Variants in RSU1 observed in about 807,000 individuals in gnomAD.
RSU1 encodes rsu-1.
In RSU1, 26 loss-of-function variants were observed where a neutral mutation model predicts 31.1. The ratio of observed to expected loss-of-function variants is 0.84; its 90% CI spans 0.61 to 1.16. The LOEUF (loss-of-function observed/expected upper bound fraction) is 1.16, where lower values mean the gene tolerates loss of function less well. RSU1 is among the 50% of genes most tolerant of loss of function. The probability of loss-of-function intolerance (pLI) is 0.00; values close to 1 mark genes in which losing one functional copy is unlikely to be tolerated. For missense variants in RSU1, 320 were observed against 339.1 expected, an observed-to-expected ratio of 0.94 and a Z score of 0.44; for synonymous variants, 164 against 136.3, an observed-to-expected ratio of 1.20 and a Z score of -1.41.
At chr10:16,804,281 AC>A (rs1387755305) in intron 2 of RSU1, among the ~76,000 whole-genome samples, 1 of 152,236 alleles carries the variant, frequency 6.6e-6, no homozygotes, top group Non-Finnish European at 1.5e-5. Flanking sequence ...CTGCATACCC[AC>A]TAAAATGGCT....
chr10:16,703,156 A>T (rs1468533089), intron 7 of RSU1, among the ~76,000 whole-genome samples: 3 of 152,210 alleles, frequency 2.0e-5, no homozygotes, highest in Admixed American at 2.0e-4. Context: ...CCTCCCCAGA[A>T]GCCGAGCAGA....
chr10:16,736,777 T>C (rs139161988), intron 7 of RSU1, among the ~76,000 whole-genome samples: 1 of 152,114 alleles, frequency 6.6e-6, no homozygotes, highest in East Asian at 1.9e-4. Context: ...CAATTTAAAA[T>C]ATGTGCAAAG....
At chr10:16,790,057 G>A (rs1837880204) in intron 2 of RSU1, among the ~76,000 whole-genome samples, 2 of 152,184 alleles carry the variant, frequency 1.3e-5, no homozygotes, top group South Asian at 4.1e-4. Context: ...GGGTGTGGGG[G>A]CAGGGTGAGG....
chr10:16,710,112 G>A (rs1027346086), intron 7 of RSU1, among the ~76,000 whole-genome samples: 1 of 152,228 alleles, frequency 6.6e-6, no homozygotes, highest in Admixed American at 6.5e-5. Context: ...TTAAAAGAAA[G>A]CTTTTCCTCA....
chr10:16,634,699 CA>C (rs927781216), intron 8 of RSU1, among the ~76,000 whole-genome samples: 1 of 152,078 alleles, frequency 6.6e-6, no homozygotes, highest in African/African-American at 2.4e-5. Context: ...ACAATTCCAC[CA>C]AAAATCAAAG....
chr10:16,693,051 C>T (rs1025168401), intron 8 of RSU1, among the ~76,000 whole-genome samples: 3 of 152,178 alleles, frequency 2.0e-5, no homozygotes, highest in Non-Finnish European at 2.9e-5. Flanking sequence ...CAACCTCTGC[C>T]TCCCTGGCTC....
intron 7 of RSU1, among the ~76,000 whole-genome samples, chr10:16,748,672 T>A (rs1588510229): frequency 6.6e-6 from 1 of 152,060 alleles, no homozygotes; most frequent in South Asian, 2.1e-4. Context: ...CTCTCTCCCC[T>A]TCACTCACTC....
intron 3 of RSU1, chr10:16,767,353 T>C (rs1043991035): frequency 6.6e-6 from 1 of 152,218 alleles, no homozygotes; most frequent in African/African-American, 2.4e-5. Flanking sequence ...GGTCTAAAGG[T>C]ATCGCCTTTT....
intron 8 of RSU1, among the ~76,000 whole-genome samples, chr10:16,610,469 T>C (rs1179911652): frequency 6.6e-6 from 1 of 152,194 alleles, no homozygotes; most frequent in Admixed American, 6.5e-5. Flanking sequence ...CTGGGCTGCA[T>C]AGTAGGTGGT....
Position 16,607,293 on chromosome 10 carries a change from A to T in RSU1, c.732-13797T>A, listed in dbSNP as rs181109734. Among the ~76,000 whole-genome samples the T allele has an allele frequency of 6.1e-3, 931 of 152,276 alleles. 8 individuals are homozygous for T. The highest frequency in any genetic ancestry group is 0.013 in the Admixed American group (195 of 15,302). On this transcript the variant is annotated intron_variant, in intron 8 of 8. Coordinates refer to ENST00000345264, the MANE Select transcript of RSU1 (RefSeq NM_012425.4). ...GCCATGCTTCCTGTACCTCCTGCAG[A>T]ACCATGAGCCAGTTAAACCTCTTCT...
At chr10:16,672,335 C>A (rs577161131) in intron 8 of RSU1, among the ~76,000 whole-genome samples, 2 of 152,140 alleles carry the variant, frequency 1.3e-5, no homozygotes, top group African/African-American at 4.8e-5. Flanking sequence ...TCCATACCTG[C>A]CATATGACCC....
At chr10:16,614,538 C>T (rs1833943900) in intron 8 of RSU1, among the ~76,000 whole-genome samples, 2 of 151,972 alleles carry the variant, frequency 1.3e-5, no homozygotes, top group South Asian at 4.2e-4. Context: ...AAGACAAATG[C>T]TCAAAAGGAT....
intron 7 of RSU1, among the ~76,000 whole-genome samples, chr10:16,709,321 G>A (rs1835970349): frequency 6.6e-6 from 1 of 152,182 alleles, no homozygotes; most frequent in Non-Finnish European, 1.5e-5. Context: ...CAAAGGACAT[G>A]AACTCATCAT....
intron 7 of RSU1, among the ~76,000 whole-genome samples, chr10:16,722,262 G>C (rs1333671518): frequency 6.6e-6 from 1 of 152,156 alleles, no homozygotes; most frequent in Non-Finnish European, 1.5e-5. Flanking sequence ...AGTACTATCT[G>C]CAGGTTCAGG....
chr10:16,649,654 G>A (rs1396279432), intron 8 of RSU1, among the ~76,000 whole-genome samples: 2 of 151,938 alleles, frequency 1.3e-5, no homozygotes, highest in South Asian at 2.1e-4. Context: ...TTTTTCTAGG[G>A]GGCACACGGC....
intron 8 of RSU1, among the ~76,000 whole-genome samples, chr10:16,672,871 G>C (rs1312594021): frequency 1.3e-5 from 2 of 152,272 alleles, no homozygotes; most frequent in East Asian, 1.9e-4. Context: ...CCTAATTGTA[G>C]TCTGTTGTAT....
intron 2 of RSU1, among the ~76,000 whole-genome samples, chr10:16,787,735 T>C (rs797003038): frequency 1.3e-5 from 2 of 152,284 alleles, no homozygotes; most frequent in African/African-American, 4.8e-5. Context: ...TCTTCCTTCA[T>C]CTCCTGCCAT....
At chr10:16,803,587 G>A (rs1184530409) in intron 2 of RSU1, among the ~76,000 whole-genome samples, 2 of 152,148 alleles carry the variant, frequency 1.3e-5, no homozygotes, top group Non-Finnish European at 1.5e-5. Flanking sequence ...AAAACTTAAT[G>A]TCAGTTATAG....
intron 7 of RSU1, among the ~76,000 whole-genome samples, chr10:16,729,394 G>A (rs1373890256): frequency 6.6e-6 from 1 of 152,168 alleles, no homozygotes; most frequent in Non-Finnish European, 1.5e-5. Flanking sequence ...GGGTGTGGCA[G>A]GAAGTTTCAG....
Sources: allele counts gnomAD v4.1 joint callset (sites outside exome capture counted in the v4.1 genomes callset), GRCh38; gene constraint gnomAD v4.1.1; transcripts MANE v1.5; gene names NCBI Gene and HGNC (gene_info 2026-07-23, HGNC 2026-07-21).